Variants in CAST observed in about 807,000 individuals in gnomAD.
CAST encodes calpastatin, also known as MIR583 host.
Under a neutral mutation model 119.6 loss-of-function variants are expected in CAST, and 76 were observed. The observed-to-expected ratio is 0.64, with a 90% CI of 0.53 to 0.77. The LOEUF (loss-of-function observed/expected upper bound fraction) is 0.77, where lower values mean the gene tolerates loss of function less well. CAST is among the 30% of genes least tolerant of loss of function. The pLI is 0.00. For synonymous variants in CAST, 319 were observed against 331.6 expected (o/e 0.96, Z 0.41); for missense variants, 953 against 946.5 (o/e 1.01, Z -0.09).
the CAST span, among the ~76,000 whole-genome samples, chr5:95,965,861 TA>T: frequency 6.6e-6 from 1 of 152,238 alleles, no homozygotes; most frequent in East Asian, 1.9e-4. Flanking sequence ...ATACAGGTTT[TA>T]AGTTGAATAA....
chr5:95,966,221 G>C, the CAST span, among the ~76,000 whole-genome samples: 3 of 152,162 alleles, frequency 2.0e-5, no homozygotes, highest in South Asian at 6.2e-4. Context: ...TATGGGGGTA[G>C]GGTTAAGTGG....
At chr5:96,319,371 C>T in the CAST span, among the ~76,000 whole-genome samples, 5 of 152,268 alleles carry the variant, frequency 3.3e-5, no homozygotes, top group East Asian at 9.7e-4. Context: ...TGCTATTATT[C>T]TCATTTTGCA....
the CAST span, among the ~76,000 whole-genome samples, chr5:96,197,358 G>T: frequency 2.2e-4 from 33 of 152,240 alleles, no homozygotes; most frequent in South Asian, 2.5e-3. Context: ...TGAAAAACAC[G>T]CAGATGTCAG....
chr5:96,614,863 C>A (rs1747424755), intron 1 of CAST, among the ~76,000 whole-genome samples: 1 of 152,148 alleles, frequency 6.6e-6, no homozygotes, highest in African/African-American at 2.4e-5. Context: ...CTAATGAGTT[C>A]ATTATATTCT....
At chr5:96,644,632 G>A in intron 1 of CAST, among the ~76,000 whole-genome samples, 1 of 152,052 alleles carries the variant, frequency 6.6e-6, no homozygotes, top group East Asian at 1.9e-4. Flanking sequence ...CTTACATTAT[G>A]GTGATACATC....
At chr5:96,153,809 A>G in the CAST span, among the ~76,000 whole-genome samples, 1 of 152,328 alleles carries the variant, frequency 6.6e-6, no homozygotes, top group African/African-American at 2.4e-5. Flanking sequence ...TTTCAGGTAC[A>G]TAGTCTCTGA....
At chr5:96,735,680 T>C (rs1175487448) in intron 9 of CAST, among the ~76,000 whole-genome samples, 1 of 152,194 alleles carries the variant, frequency 6.6e-6, no homozygotes, top group Non-Finnish European at 1.5e-5. Flanking sequence ...GAAAAGTTGT[T>C]TGCAGTCTTT....
chr5:96,019,831 T>C, the CAST span, among the ~76,000 whole-genome samples: 1 of 152,210 alleles, frequency 6.6e-6, no homozygotes, highest in Admixed American at 6.5e-5. Flanking sequence ...TTTGAAAATA[T>C]ATTGAATGAG....
chr5:96,465,485 A>G, the CAST span, among the ~76,000 whole-genome samples: 1 of 152,150 alleles, frequency 6.6e-6, no homozygotes, highest in East Asian at 1.9e-4. Flanking sequence ...GGAAACTTTC[A>G]GTATTTCTTT....
the CAST span, among the ~76,000 whole-genome samples, chr5:96,444,855 C>G: frequency 6.6e-6 from 1 of 152,168 alleles, no homozygotes; most frequent in African/African-American, 2.4e-5. Flanking sequence ...GACATTCCTC[C>G]AATTTCCAGT....
chr5:96,494,882 G>C, the CAST span, among the ~76,000 whole-genome samples: 23 of 152,038 alleles, frequency 1.5e-4, no homozygotes, highest in East Asian at 3.9e-4. Flanking sequence ...CTTTGGGAGG[G>C]CAAGGCGGGC....
the CAST span, among the ~76,000 whole-genome samples, chr5:96,301,751 C>T: frequency 6.6e-5 from 10 of 152,324 alleles, no homozygotes; most frequent in African/African-American, 1.9e-4. Flanking sequence ...GGGGTGGGCT[C>T]GAAGGGCCTT....
At chr5:96,404,847 A>G in the CAST span, among the ~76,000 whole-genome samples, 2 of 152,318 alleles carry the variant, frequency 1.3e-5, no homozygotes, top group African/African-American at 4.8e-5. Context: ...TCTATGTCAT[A>G]AGAATGTTGT....
the CAST span, among the ~76,000 whole-genome samples, chr5:96,038,721 A>G: frequency 2.6e-5 from 4 of 152,254 alleles, no homozygotes; most frequent in East Asian, 1.9e-4. Flanking sequence ...TTATGGCTGC[A>G]TAGTATGCCA....
chr5:96,578,905 C>T (rs1402446121), intron 1 of CAST, among the ~76,000 whole-genome samples: 1 of 152,092 alleles, frequency 6.6e-6, no homozygotes, highest in Non-Finnish European at 1.5e-5. Context: ...GCTATGATTC[C>T]AATAGCAGTT....
chr5:96,352,743 G>A, the CAST span, among the ~76,000 whole-genome samples: 29 of 152,106 alleles, frequency 1.9e-4, no homozygotes, highest in African/African-American at 6.8e-4. Flanking sequence ...ATACCCACAT[G>A]TCAGGGGAGG....
the CAST span, among the ~76,000 whole-genome samples, chr5:96,446,178 A>AC: frequency 8.5e-6 from 1 of 117,796 alleles, no homozygotes; most frequent in Non-Finnish European, 1.7e-5. Context: ...TTTTTAGTGT[A>AC]CAAAAAAAAA....
chr5:96,721,330 G>C (rs971341299), intron 3 of CAST, among the ~76,000 whole-genome samples: 1 of 152,138 alleles, frequency 6.6e-6, no homozygotes, highest in Non-Finnish European at 1.5e-5. Flanking sequence ...AATTATGATA[G>C]TTTAACTACA....
intron 1 of CAST, among the ~76,000 whole-genome samples, chr5:96,617,388 C>A (rs1340557722): frequency 6.6e-6 from 1 of 152,110 alleles, no homozygotes; most frequent in African/African-American, 2.4e-5. Flanking sequence ...CCATTGTCAT[C>A]ATTTACTAAA....
Sources: gnomAD v4.1 joint callset for allele counts (sites outside exome capture counted in the v4.1 genomes callset) on GRCh38, gnomAD v4.1.1 for gene constraint, MANE v1.5 for transcripts, NCBI Gene and HGNC (gene_info 2026-07-23, HGNC 2026-07-21) for gene names.